The following CCNK variants were observed in gnomAD, a reference collection of about 807,000 sequenced individuals.
The protein encoded by CCNK is cyclin-K.
Under a neutral mutation model 65.0 loss-of-function variants are expected in CCNK, and 9 were observed. The observed-to-expected ratio is 0.14, with a 90% CI of 0.08 to 0.24. The LOEUF is 0.24. CCNK is among the 10% of genes least tolerant of loss of function. The pLI, the probability that CCNK is intolerant of heterozygous loss-of-function variation, is 1.00. For synonymous variants in CCNK, 279 were observed against 270.8 expected, an observed-to-expected ratio of 1.03 and a Z score of -0.30; for missense variants, 474 against 720.0, an observed-to-expected ratio of 0.66 and a Z score of 3.91.
Position 99,510,836 on chromosome 14 carries a change from C to T in CCNK, c.*54C>T. On this transcript the variant is annotated 3_prime_UTR_variant, in exon 11 of 11. Coordinates refer to ENST00000389879, the MANE Select transcript of CCNK (RefSeq NM_001099402.2). ...TTAACAAGATTTTCTAATCGACTTG[C>T]AGAGTAGTTGAAGTGGGTAAGCAGC... 2 of 1,364,572 alleles carry T rather than the reference C, an allele frequency of 1.5e-6. No individual in the cohort carries two copies. Among genetic ancestry groups the T allele is most frequent in the Non-Finnish European group, 1.9e-6 (2 of 1,051,752 alleles). The allele number at this position is 1,364,572 out of a possible 1,614,324, so 84.5% of individuals were successfully genotyped here. A position where few individuals can be genotyped will look rare whatever the true frequency, so the allele number is the denominator to read the frequency against.
At chr14:99,502,122 T>C (rs1473544688) in intron 6 of CCNK, 85 bp from the exon 7 acceptor site, 1 of 1,366,920 alleles carries the variant, frequency 7.3e-7, no homozygotes, top group Non-Finnish European at 9.7e-7. Flanking sequence ...AGCAAATTAA[T>C]GGTTAGTTAT....
At chr14:99,503,833 T>TGCG in intron 9 of CCNK, 189 bp downstream of exon 9, 1 of 590,554 alleles carries the variant, frequency 1.7e-6, no homozygotes, top group Admixed American at 3.1e-5. Context: ...ATTGTGCTCT[T>TGCG]ACGAAGCTAT....
At chr14:99,493,701 T>G (rs769269625) in intron 3 of CCNK, 106 bp downstream of exon 3, 6 of 761,770 alleles carry the variant, frequency 7.9e-6, no homozygotes, top group Non-Finnish European at 1.3e-5. Flanking sequence ...CCAGAAAGTA[T>G]TTATTTTTAT....
At position 99,488,094 on chromosome 14, in the gene CCNK, A is replaced by G. The variant is rs10459564; in HGVS notation, c.-52-4532A>G. Reference sequence around the variant, plus strand: ...AACCATTTGAAAGTAGGTTGCAGACATCATGACACTTTACCCAAAATACTT... The same window carrying G: ...AACCATTTGAAAGTAGGTTGCAGACGTCATGACACTTTACCCAAAATACTT... On this transcript the variant is annotated intron_variant, in intron 1 of 10. Transcript: ENST00000389879. 5.6e-4 allele frequency among the ~76,000 whole-genome samples: 85 copies of G among 152,326 alleles called. 1 individual carries two copies. The East Asian group carries it at 0.016, about 28-fold the overall frequency.
chr14:99,501,202 G>C, intron 5 of CCNK, 154 bp from the exon 6 acceptor site: 1 of 641,460 alleles, frequency 1.6e-6, no homozygotes, highest in East Asian at 2.7e-5. Flanking sequence ...GGGGTAGGAT[G>C]TGGACCCACA....
Position 99,512,295 on chromosome 14 carries a change from T to C in CCNK, c.*1513T>C, listed in dbSNP as rs1421563965. On this transcript the variant is annotated 3_prime_UTR_variant, in exon 11 of 11. Coordinates refer to ENST00000389879, the MANE Select transcript of CCNK (RefSeq NM_001099402.2). ...TCACTGTGGCACCTTCTACAGAAAA[T>C]AGACGTAGCTGCCGGGCCCGGGGAC... 9 of 151,892 alleles carry C rather than the reference T, an allele frequency of 5.9e-5. No individual in the cohort carries two copies. The highest frequency in any genetic ancestry group is 1.9e-4 in the East Asian group (1 of 5,134). 9.4% of individuals were successfully genotyped at this position (151,892 alleles called of 1,614,324 possible).
intron 1 of CCNK, among the ~76,000 whole-genome samples, chr14:99,483,343 G>A (rs1246797439): frequency 2.0e-5 from 3 of 151,984 alleles, no homozygotes; most frequent in South Asian, 4.1e-4. Flanking sequence ...AAGCTCAGGA[G>A]TTCAAGACCA....
At chr14:99,507,454 A>G (rs1285301697) in intron 10 of CCNK, 2 of 339,202 alleles carry the variant, frequency 5.9e-6, no homozygotes, top group Non-Finnish European at 1.1e-5. Flanking sequence ...AGTCCCAACT[A>G]CTTAGGAGTC....
At chr14:99,509,607 G>A (rs1897069113) in intron 10 of CCNK, 1 of 160,600 alleles carries the variant, frequency 6.2e-6, no homozygotes, top group Non-Finnish European at 1.4e-5. Context: ...AGAGCACACA[G>A]TGGGGTTTGA....
intron 8 of CCNK, chr14:99,503,203 C>T (rs936226119): frequency 4.3e-6 from 3 of 696,390 alleles, no homozygotes; most frequent in Admixed American, 2.0e-5. Context: ...CTGCCCGGCT[C>T]CAGCCCTGCT....
rs3918035 is a variant in CCNK, at chr14:99,481,613, C to T, written c.-53+134C>T. On this transcript the variant is annotated intron_variant, in intron 1 of 10. Coordinates refer to ENST00000389879, the MANE Select transcript of CCNK (RefSeq NM_001099402.2). Reference sequence around the variant, plus strand: ...GATTCTGCCTCCCTCCGCTAACCTCCGGTACACATTGAACTTTGCGGGCGA... The same window carrying T: ...GATTCTGCCTCCCTCCGCTAACCTCTGGTACACATTGAACTTTGCGGGCGA... The T allele has an allele frequency of 6.4e-3, 2,504 of 393,322 alleles. 9 individuals carry two copies. The highest frequency in any genetic ancestry group is 0.012 in the Middle Eastern group (18 of 1,560). 24.4% of individuals were successfully genotyped at this position (393,322 alleles called of 1,614,324 possible). A position where few individuals can be genotyped will look rare whatever the true frequency, so the allele number is the denominator to read the frequency against.
intron 10 of CCNK, chr14:99,509,196 T>A (rs1897050659): frequency 1.3e-5 from 2 of 152,286 alleles, no homozygotes; most frequent in South Asian, 2.1e-4. Flanking sequence ...CGTGGCTTTG[T>A]CCTCTCTATG....
Position 99,510,265 on chromosome 14 carries a change from C to CCTT in CCNK, c.1226_1227insCTT (p.Pro409_Val410insPhe). 20 of 1,560,562 alleles carry CCTT rather than the reference C, an allele frequency of 1.3e-5. No individual in the cohort carries two copies. The highest frequency in any genetic ancestry group is 4.6e-5 in the South Asian group (4 of 86,072). ...ATTCCCCCTCCGGCCCACCCGGCCC[C>CCTT]TGTGCACCAGCCACCGCCGCTGCCA... On this transcript the variant is annotated inframe_insertion, in exon 11 of 11. Coordinates refer to ENST00000389879, the MANE Select transcript of CCNK (RefSeq NM_001099402.2).
intron 8 of CCNK, 98 bp downstream of exon 8, chr14:99,503,082 G>A (rs1223827519): frequency 6.8e-6 from 9 of 1,332,372 alleles, no homozygotes; most frequent in African/African-American, 2.9e-5. Flanking sequence ...AGGGAACACC[G>A]GAAGCAGGGG....
At chr14:99,503,007 T>C (rs1226388458) in intron 8 of CCNK, 23 bp downstream of exon 8, 1 of 1,613,636 alleles carries the variant, frequency 6.2e-7, no homozygotes, top group East Asian at 2.2e-5. Context: ...AAGCAGGCCC[T>C]GGGTAGAGCA....
At chr14:99,502,448 C>G (rs1378192198) in intron 7 of CCNK, 72 bp downstream of exon 7, 7 of 1,539,144 alleles carry the variant, frequency 4.5e-6, no homozygotes, top group Non-Finnish European at 6.1e-6. Flanking sequence ...TACCCTGAGT[C>G]CCAAGAATGG....
At position 99,503,165 on chromosome 14, in the gene CCNK, C is replaced by T. The variant is rs1288699724; in HGVS notation, c.1011+181C>T. 19 of 757,096 alleles carry T rather than the reference C, an allele frequency of 2.5e-5. No homozygotes were observed. In the East Asian group the frequency reaches 4.8e-4, roughly 19 times the overall value. The allele number at this position is 757,096 out of a possible 1,614,324, so 46.9% of individuals were successfully genotyped here. ...AAAACAAAGGTGCTCCAAGGACAGG[C>T]TGCCTCTGAGAACCAGGAGGGGGCT... On this transcript the variant is annotated intron_variant, in intron 8 of 10. Coordinates refer to ENST00000389879, the MANE Select transcript of CCNK (RefSeq NM_001099402.2).
Position 99,507,072 on chromosome 14 carries a change from G to T in CCNK, c.1046-4G>T, listed in dbSNP as rs926825494. On this transcript the variant is annotated splice_region_variant and splice_polypyrimidine_tract_variant and intron_variant, in intron 9 of 10. Transcript: ENST00000389879. Reference sequence around the variant, plus strand: ...TGGTTTTCTAATCTGCTTTTTCTTTGTAGAACCACCACCACCTAAAATCCC... The same window carrying T: ...TGGTTTTCTAATCTGCTTTTTCTTTTTAGAACCACCACCACCTAAAATCCC... 1.3e-6 allele frequency: 2 copies of T among 1,594,330 alleles called. No homozygotes were observed. Among genetic ancestry groups the T allele is most frequent in the Admixed American group, 1.7e-5 (1 of 59,974 alleles).
intron 1 of CCNK, among the ~76,000 whole-genome samples, chr14:99,490,025 A>G (rs944310885): frequency 1.3e-5 from 2 of 152,274 alleles, no homozygotes; most frequent in Non-Finnish European, 2.9e-5. Flanking sequence ...TGCTAAAATT[A>G]GTAGATGAAA....
Sources: gnomAD v4.1 joint callset for allele counts (sites outside exome capture counted in the v4.1 genomes callset) on GRCh38, gnomAD v4.1.1 for gene constraint, MANE v1.5 for transcripts, NCBI Gene and HGNC (gene_info 2026-07-23, HGNC 2026-07-21) for gene names.